The following TRPM6 variants were observed in gnomAD, a reference collection of about 807,000 sequenced individuals.
TRPM6 encodes channel kinase 2.
A neutral mutation model predicts 247.6 loss-of-function variants in TRPM6; 111 were observed. The ratio of observed to expected loss-of-function variants is 0.45; its 90% confidence interval spans 0.38 to 0.52. The LOEUF is 0.52. TRPM6 is among the 20% of genes least tolerant of loss of function. The pLI is 0.00. For synonymous variants in TRPM6, 892 were observed against 853.8 expected, an observed-to-expected ratio of 1.04 and a Z score of -0.78; for missense variants, 2,126 against 2,421.5, an observed-to-expected ratio of 0.88 and a Z score of 2.56.
chr9:74,778,520 C>T (rs961366135), intron 23 of TRPM6, among the ~76,000 whole-genome samples: 4 of 152,208 alleles, frequency 2.6e-5, no homozygotes, highest in Non-Finnish European at 5.9e-5. Context: ...AAGCAATGTT[C>T]CACTGATCCC....
Position 74,724,756 on chromosome 9 carries a change from G to C in TRPM6, c.5936-10C>G. 3 of 1,614,068 alleles carry C rather than the reference G, an allele frequency of 1.9e-6. No individual in the cohort carries two copies. The highest frequency in any genetic ancestry group is 2.5e-6 in the Non-Finnish European group (3 of 1,179,998). ...TCATTTCTTTTTAAATCTGCAAGGAGGACAAGTAAAAAGGTTATAGTGGAA... is the reference window on the plus strand; with the variant it reads ...TCATTTCTTTTTAAATCTGCAAGGACGACAAGTAAAAAGGTTATAGTGGAA... On this transcript the variant is annotated splice_polypyrimidine_tract_variant and intron_variant, in intron 38 of 38. Coordinates refer to ENST00000360774, the MANE Select transcript of TRPM6 (RefSeq NM_017662.5).
chr9:74,782,028 T>C (rs758653430), intron 23 of TRPM6, among the ~76,000 whole-genome samples: 2 of 152,204 alleles, frequency 1.3e-5, no homozygotes, highest in African/African-American at 4.8e-5. Flanking sequence ...AATTTAGAGA[T>C]GCTTTAAAGT....
At chr9:74,752,452 C>A in intron 28 of TRPM6, 84 bp from the exon 29 acceptor site, 1 of 788,906 alleles carries the variant, frequency 1.3e-6, no homozygotes, top group Non-Finnish European at 2.1e-6. Context: ...AAAATCTGAA[C>A]ACAGTACATT....
intron 36 of TRPM6, among the ~76,000 whole-genome samples, chr9:74,734,896 C>T (rs1825642034): frequency 6.6e-6 from 1 of 152,060 alleles, no homozygotes; most frequent in Non-Finnish European, 1.5e-5. Context: ...ACACAAATGG[C>T]AGAAGGACCT....
intron 29 of TRPM6, among the ~76,000 whole-genome samples, chr9:74,751,761 G>A: frequency 6.6e-6 from 1 of 152,124 alleles, no homozygotes; most frequent in East Asian, 1.9e-4. Flanking sequence ...CCTGCAAAGA[G>A]GTTTGTTCAG....
chr9:74,812,296 C>T lies in TRPM6; in HGVS notation c.1443+3G>A. ...AATGATTGATGAAATGTTCCATACTCACTGTATTGTAGAGCTCTTCCAGTC... is the reference window on the plus strand; with the variant it reads ...AATGATTGATGAAATGTTCCATACTTACTGTATTGTAGAGCTCTTCCAGTC... On this transcript the variant is annotated splice_donor_region_variant and intron_variant, in intron 12 of 38. Coordinates refer to ENST00000360774, the MANE Select transcript of TRPM6 (RefSeq NM_017662.5). The T allele has an allele frequency of 1.2e-6, 2 of 1,613,656 alleles. No homozygotes were observed. The highest frequency in any genetic ancestry group is 2.2e-5 in the South Asian group (2 of 91,078).
intron 23 of TRPM6, among the ~76,000 whole-genome samples, chr9:74,781,583 A>AAAAGG (rs1395184757): frequency 1.3e-5 from 2 of 151,648 alleles, no homozygotes; most frequent in African/African-American, 4.8e-5. Context: ...AAAAGAAAAG[A>AAAAGG]AAAGGAAACG....
chr9:74,724,369 C>T lies in TRPM6; in HGVS notation c.*244G>A. On this transcript the variant is annotated 3_prime_UTR_variant, in exon 39 of 39. Transcript: ENST00000360774. ...ACACAAGAACAATATTCCCAGCTGA[C>T]TCATCCAAGCATCTTCGTGTGGAAC... 1.8e-6 allele frequency: 1 copy of T among 560,886 alleles called. No individual in the cohort carries two copies. Among genetic ancestry groups the T allele is most frequent in the Non-Finnish European group, 3.2e-6 (1 of 314,530 alleles). The allele number at this position is 560,886 out of a possible 1,614,324, so 34.7% of individuals were successfully genotyped here. A position where few individuals can be genotyped will look rare whatever the true frequency, so the allele number is the denominator to read the frequency against.
chr9:74,875,169 A>C (rs1831154652), intron 1 of TRPM6: 2 of 434,950 alleles, frequency 4.6e-6, no homozygotes, highest in African/African-American at 4.0e-5. Flanking sequence ...CATCATCTGC[A>C]GGTCAGACAA....
Position 74,786,068 on chromosome 9 carries a change from ACTC to A in TRPM6, c.2722_2724del (p.Glu908del). 2 of 1,614,186 alleles carry A rather than the reference ACTC, an allele frequency of 1.2e-6. No individual in the cohort carries two copies. Among genetic ancestry groups the A allele is most frequent in the Non-Finnish European group, 1.7e-6 (2 of 1,180,028 alleles). ...GCCACAGTTTCTGTTAAGTTCCAGT[ACTC>A]ACTAATCCATACCTTCACCTTTTGG... On this transcript the variant is annotated inframe_deletion, in exon 21 of 39. Transcript: ENST00000360774.
intron 27 of TRPM6, among the ~76,000 whole-genome samples, chr9:74,755,720 C>G (rs956004728): frequency 6.6e-6 from 1 of 152,188 alleles, no homozygotes; most frequent in African/African-American, 2.4e-5. Context: ...GAGTGCACAT[C>G]AGAATCACCA....
chr9:74,798,943 C>T (rs890292186), intron 17 of TRPM6, among the ~76,000 whole-genome samples: 1 of 152,092 alleles, frequency 6.6e-6, no homozygotes, highest in African/African-American at 2.4e-5. Flanking sequence ...AGAGTATATA[C>T]AGGACAGAAA....
chr9:74,860,743 C>T (rs570412648), intron 1 of TRPM6, among the ~76,000 whole-genome samples: 4 of 152,252 alleles, frequency 2.6e-5, no homozygotes, highest in Non-Finnish European at 4.4e-5. Flanking sequence ...TCCGGCTGAG[C>T]GCAGTGGCCA....
chr9:74,769,460 T>C (rs983993363), intron 25 of TRPM6, among the ~76,000 whole-genome samples: 1 of 152,090 alleles, frequency 6.6e-6, no homozygotes, highest in African/African-American at 2.4e-5. Context: ...CCATGTCTAT[T>C]TTACAAATAA....
chr9:74,885,121 C>T (rs1017845371), intron 1 of TRPM6, among the ~76,000 whole-genome samples: 1 of 152,138 alleles, frequency 6.6e-6, no homozygotes, highest in South Asian at 2.1e-4. Flanking sequence ...GAAAACTTTG[C>T]AAACACAGAG....
intron 1 of TRPM6, among the ~76,000 whole-genome samples, chr9:74,882,948 G>A (rs1294525322): frequency 6.6e-6 from 1 of 152,064 alleles, no homozygotes; most frequent in Non-Finnish European, 1.5e-5. Flanking sequence ...TATTCACATT[G>A]TTGTGCGGCC....
chr9:74,836,255 C>A (rs772556053), intron 5 of TRPM6, among the ~76,000 whole-genome samples: 8 of 152,158 alleles, frequency 5.3e-5, no homozygotes, highest in Non-Finnish European at 1.2e-4. Context: ...TTGATCTGAC[C>A]TTTAAATCAC....
intron 4 of TRPM6, among the ~76,000 whole-genome samples, chr9:74,840,820 CTCTG>C (rs1829911636): frequency 8.3e-6 from 1 of 121,082 alleles, no homozygotes; most frequent in Non-Finnish European, 1.6e-5. Context: ...CAGAGCAGGA[CTCTG>C]TCTCAAAAAA....
intron 33 of TRPM6, among the ~76,000 whole-genome samples, chr9:74,741,324 T>C (rs1204729896): frequency 6.6e-6 from 1 of 151,706 alleles, no homozygotes; most frequent in Non-Finnish European, 1.5e-5. Flanking sequence ...TGCTTCTATA[T>C]ATATATAGAA....
Sources: gnomAD v4.1 joint callset for allele counts (sites outside exome capture counted in the v4.1 genomes callset) on GRCh38, gnomAD v4.1.1 for gene constraint, MANE v1.5 for transcripts, NCBI Gene and HGNC (gene_info 2026-07-23, HGNC 2026-07-21) for gene names.